The following STXBP5L variants were observed in gnomAD, a reference collection of about 807,000 sequenced individuals.
The protein encoded by STXBP5L is syntaxin-binding protein 5-like.
Under a neutral mutation model 144.5 loss-of-function variants are expected in STXBP5L, and 65 were observed. The observed-to-expected ratio is 0.45, with a 90% confidence interval of 0.37 to 0.55. The LOEUF is 0.55. Among genes scored for constraint, STXBP5L ranks in the 20% least tolerant of loss-of-function variants. The pLI is 0.00. For synonymous variants in STXBP5L, 505 were observed against 469.6 expected, an observed-to-expected ratio of 1.08 and a Z score of -0.97; for missense variants, 1,298 against 1,405.5, an observed-to-expected ratio of 0.92 and a Z score of 1.22.
intron 10 of STXBP5L, among the ~76,000 whole-genome samples, chr3:121,218,177 T>C (rs338977): frequency 5.2e-5 from 6 of 115,302 alleles, no homozygotes; most frequent in Admixed American, 9.3e-5. Context: ...CTATACTATA[T>C]ATAGTATGAT....
intron 5 of STXBP5L, among the ~76,000 whole-genome samples, chr3:121,073,380 C>G (rs908215307): frequency 6.6e-6 from 1 of 152,164 alleles, no homozygotes; most frequent in Non-Finnish European, 1.5e-5. Flanking sequence ...GGTGACACGA[C>G]CATGTGGGGC....
intron 9 of STXBP5L, among the ~76,000 whole-genome samples, chr3:121,169,224 A>G (rs1471137304): frequency 6.6e-6 from 1 of 152,224 alleles, no homozygotes; most frequent in Non-Finnish European, 1.5e-5. Context: ...AGTACCAGCC[A>G]CTGCAAAAAC....
At chr3:121,313,179 C>G (rs2043610692) in intron 19 of STXBP5L, among the ~76,000 whole-genome samples, 1 of 143,610 alleles carries the variant, frequency 7.0e-6, no homozygotes, top group African/African-American at 2.7e-5. Context: ...AGAGGCGCCC[C>G]TCACCTCCCG....
chr3:121,265,940 T>C (rs2050549576), intron 18 of STXBP5L, among the ~76,000 whole-genome samples: 1 of 151,974 alleles, frequency 6.6e-6, no homozygotes, highest in South Asian at 2.1e-4. Context: ...AAAAGTCAAA[T>C]CCCTGAACAG....
intron 19 of STXBP5L, among the ~76,000 whole-genome samples, chr3:121,314,643 G>A (rs368799390): frequency 8.6e-4 from 131 of 151,480 alleles, no homozygotes; most frequent in African/African-American, 2.6e-3. Flanking sequence ...GAGCGTAAGC[G>A]TAAACTAAAG....
At chr3:121,013,950 G>C (rs1014402234) in intron 3 of STXBP5L, among the ~76,000 whole-genome samples, 1 of 151,750 alleles carries the variant, frequency 6.6e-6, no homozygotes, top group Non-Finnish European at 1.5e-5. Flanking sequence ...ATGGTTGTAG[G>C]TATACAGCAT....
chr3:121,107,576 T>C (rs2043773984), intron 5 of STXBP5L, among the ~76,000 whole-genome samples: 1 of 152,176 alleles, frequency 6.6e-6, no homozygotes, highest in African/African-American at 2.4e-5. Flanking sequence ...TTGGTGTGTC[T>C]GTTTTGGTAC....
chr3:120,987,218 C>T (rs1559957837), intron 3 of STXBP5L, among the ~76,000 whole-genome samples: 2 of 151,888 alleles, frequency 1.3e-5, no homozygotes, highest in African/African-American at 4.8e-5. Flanking sequence ...CCAGAGTAGT[C>T]GTACAATTTT....
At chr3:121,303,771 C>T (rs1172223263) in intron 19 of STXBP5L, among the ~76,000 whole-genome samples, 3 of 152,014 alleles carry the variant, frequency 2.0e-5, no homozygotes, top group Non-Finnish European at 2.9e-5. Flanking sequence ...AGCAAACTAT[C>T]GCAAGGACAA....
chr3:121,103,030 T>C (rs899506500), intron 5 of STXBP5L, among the ~76,000 whole-genome samples: 5 of 152,214 alleles, frequency 3.3e-5, no homozygotes, highest in Non-Finnish European at 4.4e-5. Context: ...AGAATGGCTA[T>C]TATTAAAAAG....
intron 19 of STXBP5L, among the ~76,000 whole-genome samples, chr3:121,314,533 G>A (rs1321416102): frequency 1.4e-5 from 2 of 146,788 alleles, no homozygotes; most frequent in Admixed American, 6.8e-5. Flanking sequence ...GCAGTGAGCC[G>A]AGATGGCAGC....
intron 20 of STXBP5L, among the ~76,000 whole-genome samples, chr3:121,324,270 C>T (rs1188957005): frequency 6.6e-6 from 1 of 152,118 alleles, no homozygotes; most frequent in East Asian, 1.9e-4. Context: ...TCCTTCTGGG[C>T]ATTCCTATGT....
intron 3 of STXBP5L, among the ~76,000 whole-genome samples, chr3:120,966,749 G>A (rs777040073): frequency 2.0e-5 from 3 of 152,144 alleles, no homozygotes; most frequent in African/African-American, 4.8e-5. Flanking sequence ...AGGCTACAAG[G>A]GGGTCAGGGA....
At chr3:121,072,962 A>G (rs2041868782) in intron 5 of STXBP5L, among the ~76,000 whole-genome samples, 2 of 152,194 alleles carry the variant, frequency 1.3e-5, no homozygotes, top group African/African-American at 4.8e-5. Flanking sequence ...GCTAAGAGCA[A>G]TGCTCTAGTG....
chr3:121,395,756 C>G (rs1312713794), intron 22 of STXBP5L, among the ~76,000 whole-genome samples: 2 of 152,218 alleles, frequency 1.3e-5, no homozygotes, highest in Non-Finnish European at 2.9e-5. Context: ...TTAAATTACT[C>G]ATTGTGAGTG....
chr3:121,221,760 G>A lies in STXBP5L; in HGVS notation c.957-1243G>A, dbSNP rs116057233. On this transcript the variant is annotated intron_variant, in intron 10 of 26. Coordinates refer to ENST00000471454, the MANE Select transcript of STXBP5L (RefSeq NM_001308330.2). ...AAATCAACTGAAGTAAAATAAGTTAGAGTATTTTTGTTTATTTTGCTTATA... is the reference window on the plus strand; with the variant it reads ...AAATCAACTGAAGTAAAATAAGTTAAAGTATTTTTGTTTATTTTGCTTATA... 8.9e-3 allele frequency among the ~76,000 whole-genome samples: 1,353 copies of A among 151,766 alleles called. 17 individuals carry two copies. The highest frequency in any genetic ancestry group is 0.031 in the African/African-American group (1,297 of 41,478).
At chr3:121,159,087 C>G (rs1452222708) in intron 9 of STXBP5L, 2 of 151,866 alleles carry the variant, frequency 1.3e-5, no homozygotes, top group African/African-American at 4.8e-5. Flanking sequence ...CATCTATTGA[C>G]ATTCTTTGGG....
intron 2 of STXBP5L, among the ~76,000 whole-genome samples, chr3:120,950,583 G>C (rs958504877): frequency 9.9e-5 from 15 of 152,068 alleles, no homozygotes; most frequent in African/African-American, 3.6e-4. Context: ...TGTGCACAAT[G>C]TGTAGGTTAG....
intron 3 of STXBP5L, among the ~76,000 whole-genome samples, chr3:120,969,395 TG>T (rs1251084718): frequency 3.9e-5 from 4 of 102,724 alleles, no homozygotes; most frequent in Non-Finnish European, 7.2e-5. Flanking sequence ...GGATTATTTG[TG>T]TTTTTTTTTT....
Sources: gnomAD v4.1 joint callset for allele counts (sites outside exome capture counted in the v4.1 genomes callset) on GRCh38, gnomAD v4.1.1 for gene constraint, MANE v1.5 for transcripts, NCBI Gene and HGNC (gene_info 2026-07-23, HGNC 2026-07-21) for gene names.